The following CTXN2 variants were observed in gnomAD, a reference collection of about 807,000 sequenced individuals.
The protein encoded by CTXN2 is cortexin-2.
CTXN2 carries 3 observed loss-of-function variants against 5.7 expected under a neutral mutation model. That is an observed-to-expected ratio of 0.53 (90% CI 0.24 to 1.36). The LOEUF is 1.36. Ranked by LOEUF, CTXN2 falls within the 40% of genes most tolerant of loss-of-function variation. The probability of loss-of-function intolerance (pLI) is 0.17; values close to 1 mark genes in which losing one functional copy is unlikely to be tolerated. For missense variants in CTXN2, 87 were observed against 93.0 expected (o/e 0.94, Z 0.26); for synonymous variants, 38 against 36.4 (o/e 1.04, Z -0.16).
chr15:48,181,041 A>C (rs947725345), intron 1 of CTXN2, among the ~76,000 whole-genome samples: 1 of 152,244 alleles, frequency 6.6e-6, no homozygotes. Context: ...GGGAAAAGCT[A>C]TTACACGTAT....
chr15:48,183,005 G>A (rs2040713562), intron 1 of CTXN2, among the ~76,000 whole-genome samples: 1 of 152,150 alleles, frequency 6.6e-6, no homozygotes, highest in South Asian at 2.1e-4. Context: ...AGCCACTACT[G>A]AAATTGATGG....
At chr15:48,198,367 A>T (rs1197538361) in intron 1 of CTXN2, among the ~76,000 whole-genome samples, 1 of 152,166 alleles carries the variant, frequency 6.6e-6, no homozygotes, top group Non-Finnish European at 1.5e-5. Flanking sequence ...TTTATTCCTC[A>T]AAAAATATAT....
upstream of CTXN2, chr15:48,191,644 C>T (rs571577147): frequency 4.5e-6 from 2 of 445,814 alleles, no homozygotes; most frequent in South Asian, 3.1e-5. Flanking sequence ...ACACGTACTT[C>T]GGCGGGCGCC....
At chr15:48,190,687 A>C (rs2040809410), upstream of CTXN2, among the ~76,000 whole-genome samples, 1 of 152,182 alleles carries the variant, frequency 6.6e-6, no homozygotes. Context: ...TAAGGTGAAT[A>C]ATTAAGATTG....
intron 1 of CTXN2, among the ~76,000 whole-genome samples, chr15:48,196,566 C>G: frequency 6.6e-6 from 1 of 152,062 alleles, no homozygotes; most frequent in East Asian, 1.9e-4. Flanking sequence ...CCAGGCATAT[C>G]TCATATCTTC....
upstream of CTXN2, among the ~76,000 whole-genome samples, chr15:48,187,600 A>C (rs144495887): frequency 1.1e-3 from 168 of 152,354 alleles, no homozygotes; most frequent in African/African-American, 3.9e-3. Flanking sequence ...GAGAGCAAGA[A>C]GTCAACTAGA....
At chr15:48,178,558 G>T (rs2040648951) in intron 1 of CTXN2, 2 of 302,666 alleles carry the variant, frequency 6.6e-6, no homozygotes, top group African/African-American at 2.2e-5. Flanking sequence ...CCACCAGCCC[G>T]CCTGTCGCTT....
At position 48,203,146 on chromosome 15, in the gene CTXN2, A is replaced by G. The variant is rs2040941585; in HGVS notation, c.*1600A>G. ...TAGCTAGGGAATGGTTATGTTAGGGATTGAACTTGGGCAGTTTGATTTCTG... is the reference window on the plus strand; with the variant it reads ...TAGCTAGGGAATGGTTATGTTAGGGGTTGAACTTGGGCAGTTTGATTTCTG... On this transcript the variant is annotated 3_prime_UTR_variant, in exon 2 of 2. Coordinates refer to ENST00000417307, the MANE Select transcript of CTXN2 (RefSeq NM_001145668.2). The G allele has an allele frequency of 6.0e-6, 1 of 167,038 alleles. No individual in the cohort carries two copies. Among genetic ancestry groups the G allele is most frequent in the Admixed American group, 6.5e-5 (1 of 15,280 alleles). The allele number at this position is 167,038 out of a possible 1,614,324, so 10.3% of individuals were successfully genotyped here.
chr15:48,178,652 G>A (rs1224608892), intron 1 of CTXN2: 1 of 171,038 alleles, frequency 5.8e-6, no homozygotes, highest in African/African-American at 2.4e-5. Flanking sequence ...TCCAGGTAGG[G>A]GCAGTTAAAG....
At chr15:48,198,229 T>A (rs1389352465) in intron 1 of CTXN2, among the ~76,000 whole-genome samples, 1 of 152,164 alleles carries the variant, frequency 6.6e-6, no homozygotes, top group Non-Finnish European at 1.5e-5. Flanking sequence ...ACTGAGTTTT[T>A]ATACTTATTT....
intron 1 of CTXN2, among the ~76,000 whole-genome samples, chr15:48,180,622 C>G (rs1047635265): frequency 5.9e-5 from 9 of 152,222 alleles, no homozygotes; most frequent in Non-Finnish European, 1.2e-4. Context: ...TACCGTTCTC[C>G]TGCCTCAGCC....
chr15:48,197,820 T>G (rs890226878), intron 1 of CTXN2, among the ~76,000 whole-genome samples: 3 of 152,242 alleles, frequency 2.0e-5, no homozygotes, highest in Middle Eastern at 3.4e-3. Context: ...GGTGACTTTG[T>G]TTATTCAGTA....
At chr15:48,189,555 A>C (rs1010989368), upstream of CTXN2, 5 of 152,204 alleles carry the variant, frequency 3.3e-5, no homozygotes, top group African/African-American at 4.8e-5. Context: ...GGAAATACAG[A>C]CTCAACTATA....
chr15:48,188,122 T>C (rs921152351), upstream of CTXN2, among the ~76,000 whole-genome samples: 2 of 152,044 alleles, frequency 1.3e-5, no homozygotes, highest in African/African-American at 4.8e-5. Context: ...CCACTTCTGA[T>C]TTTATGAGGA....
At chr15:48,196,737 T>G (rs1280810201) in intron 1 of CTXN2, among the ~76,000 whole-genome samples, 1 of 152,136 alleles carries the variant, frequency 6.6e-6, no homozygotes, top group African/African-American at 2.4e-5. Flanking sequence ...ACTTCTTAAA[T>G]ATTGACAAAT....
chr15:48,196,214 C>T (rs1170790300), intron 1 of CTXN2, among the ~76,000 whole-genome samples: 1 of 152,036 alleles, frequency 6.6e-6, no homozygotes, highest in Non-Finnish European at 1.5e-5. Flanking sequence ...TCATTATCTC[C>T]CCTGTTTGGA....
At chr15:48,187,566 A>G (rs1300769532), upstream of CTXN2, among the ~76,000 whole-genome samples, 2 of 152,214 alleles carry the variant, frequency 1.3e-5, no homozygotes, top group African/African-American at 2.4e-5. Context: ...GAAGAGGTAA[A>G]GGTGATCTCA....
intron 1 of CTXN2, among the ~76,000 whole-genome samples, chr15:48,181,854 T>C (rs374189462): frequency 3.3e-5 from 5 of 151,154 alleles, no homozygotes; most frequent in African/African-American, 1.2e-4. Flanking sequence ...CTATATAAAT[T>C]GCTGGATTTG....
At chr15:48,179,404 AT>A (rs1567286574) in intron 1 of CTXN2, among the ~76,000 whole-genome samples, 47 of 55,124 alleles carry the variant, frequency 8.5e-4, no homozygotes, top group Non-Finnish European at 3.5e-3. Context: ...CAGCTACTTC[AT>A]CACACACACA....
Sources: gnomAD v4.1 joint callset for allele counts (sites outside exome capture counted in the v4.1 genomes callset) on GRCh38, gnomAD v4.1.1 for gene constraint, MANE v1.5 for transcripts, NCBI Gene and HGNC (gene_info 2026-07-23, HGNC 2026-07-21) for gene names.